Variants in PRKX observed in about 807,000 individuals in gnomAD.
PRKX encodes the protein cAMP-dependent protein kinase catalytic subunit PRKX.
A neutral mutation model predicts 22.0 loss-of-function variants in PRKX; 12 were observed. The observed-to-expected ratio is 0.54, with a 90% CI of 0.35 to 0.88. PRKX has a LOEUF of 0.88. PRKX is among the 40% of genes least tolerant of loss of function. The probability of loss-of-function intolerance (pLI) is 0.01; values close to 1 mark genes in which losing one functional copy is unlikely to be tolerated. For missense variants in PRKX, 217 were observed against 308.0 expected (o/e 0.70, Z 2.21); for synonymous variants, 134 against 137.7 (o/e 0.97, Z 0.19).
rs1204101449 is a variant in PRKX, at chrX:3,621,380, G to A, written c.816-64C>T. ...AGATTATATATCAACATCAGCAAAC[G>A]CAGCATGGCAACAGAGATAAGATCT... is the stretch of plus-strand genomic sequence containing the variant. On this transcript the variant is annotated intron_variant, in intron 5 of 8. Transcript: ENST00000262848. 19 of 962,741 alleles carry A rather than the reference G, an allele frequency of 2.0e-5. No individual in the cohort carries two copies. The East Asian group carries it at 2.5e-4, about 13-fold the overall frequency. The allele number at this position is 962,741 out of a possible 1,213,427, so 79.3% of individuals were successfully genotyped here. A position where few individuals can be genotyped will look rare whatever the true frequency, so the allele number is the denominator to read the frequency against.
rs780608028 is a variant in PRKX at position 3,672,361 on chromosome X, C to T, written c.335+2237G>A. On this transcript the variant is annotated intron_variant, in intron 2 of 8. Transcript: ENST00000262848. ...CAGGGAATATCAAAATCAGAATCCA[C>T]GTCCCTGCAGGAATGCACCTTATCT... 3.6e-5 allele frequency among the ~76,000 whole-genome samples: 4 copies of T among 111,915 alleles called. No homozygotes were observed. In the South Asian group the frequency reaches 1.5e-3, roughly 42 times the overall value.
At chrX:3,658,294 T>C (rs1927523207) in intron 2 of PRKX, among the ~76,000 whole-genome samples, 1 of 110,617 alleles carries the variant, frequency 9.0e-6, no homozygotes. Flanking sequence ...CCCGGTCTGT[T>C]TGTTTCTGAA....
At chrX:3,680,472 G>A (rs1244924697) in intron 1 of PRKX, among the ~76,000 whole-genome samples, 1 of 110,714 alleles carries the variant, frequency 9.0e-6, no homozygotes, top group African/African-American at 3.3e-5. Context: ...TGGAGGGATG[G>A]GAAGAAGGAG....
chrX:3,654,213 G>C (rs1569051600), intron 3 of PRKX, among the ~76,000 whole-genome samples: 2 of 92,493 alleles, frequency 2.2e-5, no homozygotes, highest in Admixed American at 1.4e-4. Context: ...ATACCTATAT[G>C]ATACTATATC....
intron 2 of PRKX, chrX:3,667,886 C>G (rs1328399216): frequency 9.0e-6 from 1 of 110,828 alleles, no homozygotes; most frequent in East Asian, 2.8e-4. Context: ...CCACCACCCA[C>G]CCCTTTCAGC....
chrX:3,640,203 G>C (rs1217860819), intron 4 of PRKX, among the ~76,000 whole-genome samples: 1 of 109,168 alleles, frequency 9.2e-6, no homozygotes, highest in Non-Finnish European at 1.9e-5. Context: ...GGAAAAGAGA[G>C]AACCTAGGAG....
chrX:3,685,098 T>C lies in PRKX; in HGVS notation c.167-10332A>G, dbSNP rs1296556353. ...TCTCAAAGTGCTGGGATTACACGCA[T>C]GAGCCACAACGCCTGGCCTAAAATA... On this transcript the variant is annotated intron_variant, in intron 1 of 8. Coordinates refer to ENST00000262848, the MANE Select transcript of PRKX (RefSeq NM_005044.5). Among the ~76,000 whole-genome samples the C allele has an allele frequency of 2.7e-5, 3 of 111,864 alleles. No homozygotes were observed. The South Asian group carries it at 1.1e-3, about 42-fold the overall frequency.
At chrX:3,701,053 T>C (rs1371830662) in intron 1 of PRKX, among the ~76,000 whole-genome samples, 1 of 112,049 alleles carries the variant, frequency 8.9e-6, no homozygotes, top group Admixed American at 9.5e-5. Flanking sequence ...TTTTTTTCTA[T>C]ATAAATTATT....
chrX:3,712,092 T>A (rs918333852), intron 1 of PRKX, among the ~76,000 whole-genome samples: 4 of 111,733 alleles, frequency 3.6e-5, no homozygotes, highest in African/African-American at 1.3e-4. Context: ...TCCTAAGTCA[T>A]AAGCTATGGC....
chrX:3,712,698 C>T (rs1331654125), intron 1 of PRKX, among the ~76,000 whole-genome samples: 1 of 112,513 alleles, frequency 8.9e-6, no homozygotes, highest in African/African-American at 3.2e-5. Flanking sequence ...TCTTCGCACC[C>T]CGCGCCAGTG....
At position 3,664,232 on chromosome X, in the gene PRKX, T is replaced by C. The variant is rs144466865; in HGVS notation, c.336-8820A>G. On this transcript the variant is annotated intron_variant, in intron 2 of 8. Transcript: ENST00000262848. ...TTCCACACCAACATCTGTTGTTTTCTTACTTTTTTGTTTTTTTCCTAGATA... is the reference window on the plus strand; with the variant it reads ...TTCCACACCAACATCTGTTGTTTTCCTACTTTTTTGTTTTTTTCCTAGATA... Among the ~76,000 whole-genome samples, 691 of 111,965 alleles carry C rather than the reference T, an allele frequency of 6.2e-3. 8 individuals are homozygous for C. The highest frequency in any genetic ancestry group is 0.022 in the African/African-American group (662 of 30,761).
intron 7 of PRKX, among the ~76,000 whole-genome samples, chrX:3,612,680 G>A (rs1926322567): frequency 9.1e-6 from 1 of 109,978 alleles, no homozygotes; most frequent in African/African-American, 3.3e-5. Context: ...CAGCTACTCA[G>A]TAGGCTGAGG....
At chrX:3,654,615 C>T (rs1178030880) in intron 3 of PRKX, among the ~76,000 whole-genome samples, 1 of 106,567 alleles carries the variant, frequency 9.4e-6, no homozygotes, top group African/African-American at 3.4e-5. Flanking sequence ...GCTGGGACTA[C>T]AGGGATCCAC....
chrX:3,629,469 G>A (rs185630231), intron 4 of PRKX, among the ~76,000 whole-genome samples: 1 of 106,789 alleles, frequency 9.4e-6, no homozygotes, highest in East Asian at 3.0e-4. Flanking sequence ...TGTTGCCCAG[G>A]CTGGTCTCAA....
At chrX:3,615,717 CAT>C (rs1260577523) in intron 7 of PRKX, 96 bp downstream of exon 7, 13 of 671,800 alleles carry the variant, frequency 1.9e-5, no homozygotes, top group African/African-American at 6.6e-5. Flanking sequence ...AAATTAATCA[CAT>C]GTCAGCCATC....
intron 3 of PRKX, among the ~76,000 whole-genome samples, chrX:3,652,482 G>A (rs1253235009): frequency 1.8e-5 from 2 of 110,002 alleles, no homozygotes; most frequent in East Asian, 2.9e-4. Flanking sequence ...TACTTGGGAG[G>A]CTGAGGCAGG....
intron 2 of PRKX, chrX:3,667,452 C>T (rs1323781628): frequency 9.2e-6 from 1 of 108,573 alleles, no homozygotes; most frequent in Non-Finnish European, 1.9e-5. Flanking sequence ...CTCTACTTTC[C>T]GACCTGGCTG....
At chrX:3,635,838 G>A (rs1926876298) in intron 4 of PRKX, among the ~76,000 whole-genome samples, 1 of 111,664 alleles carries the variant, frequency 9.0e-6, no homozygotes, top group Non-Finnish European at 1.9e-5. Flanking sequence ...CAGTTCTTCT[G>A]TCTCAGCCTC....
intron 1 of PRKX, among the ~76,000 whole-genome samples, chrX:3,699,193 C>A (rs1478932453): frequency 9.3e-6 from 1 of 107,823 alleles, no homozygotes; most frequent in African/African-American, 3.4e-5. Context: ...TGCACCACTA[C>A]GCCCGGCTAA....
Sources: allele counts gnomAD v4.1 joint callset (sites outside exome capture counted in the v4.1 genomes callset), GRCh38; gene constraint gnomAD v4.1.1; transcripts MANE v1.5; gene names NCBI Gene and HGNC (gene_info 2026-07-23, HGNC 2026-07-21).